CCSER1: variants seen among roughly 807,000 people sequenced by gnomAD.
CCSER1 encodes the protein serine-rich coiled-coil domain-containing protein 1.
Under a neutral mutation model 82.0 loss-of-function variants are expected in CCSER1, and 41 were observed. That is an observed-to-expected ratio of 0.50 (90% confidence interval 0.39 to 0.65). The LOEUF is 0.65. Among genes scored for constraint, CCSER1 ranks in the 30% least tolerant of loss-of-function variants. The probability of loss-of-function intolerance (pLI) is 0.00; values close to 1 mark genes in which losing one functional copy is unlikely to be tolerated. For missense variants in CCSER1, 1,119 were observed against 1,064.2 expected (o/e 1.05, Z -0.72); for synonymous variants, 414 against 383.9 (o/e 1.08, Z -0.92).
chr4:91,356,928 T>C (rs1748875017), intron 10 of CCSER1, among the ~76,000 whole-genome samples: 1 of 152,168 alleles, frequency 6.6e-6, no homozygotes, highest in Non-Finnish European at 1.5e-5. Context: ...CCACGCCTGG[T>C]CGACTGAAGG....
chr4:90,483,359 T>G (rs1469637200), intron 5 of CCSER1, among the ~76,000 whole-genome samples: 1 of 152,212 alleles, frequency 6.6e-6, no homozygotes, highest in East Asian at 1.9e-4. Flanking sequence ...ATTGGAGCAT[T>G]TAGTCCACAT....
At chr4:90,605,155 G>A (rs1784521181) in intron 5 of CCSER1, among the ~76,000 whole-genome samples, 1 of 152,140 alleles carries the variant, frequency 6.6e-6, no homozygotes, top group African/African-American at 2.4e-5. Flanking sequence ...GAACCCCCCA[G>A]AAGGAAGAAA....
chr4:90,813,104 C>T (rs997541739), intron 7 of CCSER1, among the ~76,000 whole-genome samples: 2 of 152,188 alleles, frequency 1.3e-5, no homozygotes, highest in African/African-American at 4.8e-5. Flanking sequence ...TCCAAAGTCT[C>T]ATCTGAGACA....
intron 5 of CCSER1, among the ~76,000 whole-genome samples, chr4:90,569,398 C>T (rs560757499): frequency 6.6e-6 from 1 of 152,200 alleles, no homozygotes; most frequent in South Asian, 2.1e-4. Context: ...ATCAAAAACA[C>T]TAGAAATTGA....
intron 9 of CCSER1, among the ~76,000 whole-genome samples, chr4:91,073,478 A>G (rs1356047010): frequency 6.6e-6 from 1 of 152,162 alleles, no homozygotes; most frequent in Admixed American, 6.6e-5. Flanking sequence ...CAATTCTGTA[A>G]ACCTATGACA....
chr4:90,354,360 T>A (rs770130905), intron 3 of CCSER1, among the ~76,000 whole-genome samples: 2 of 152,304 alleles, frequency 1.3e-5, no homozygotes, highest in Middle Eastern at 3.4e-3. Context: ...ATATTTGGCA[T>A]TATGTATATA....
chr4:90,271,235 A>T (rs1303506826), intron 1 of CCSER1, among the ~76,000 whole-genome samples: 2 of 152,164 alleles, frequency 1.3e-5, no homozygotes, highest in Non-Finnish European at 2.9e-5. Context: ...CTGACTTCAA[A>T]TTATTATACA....
intron 10 of CCSER1, among the ~76,000 whole-genome samples, chr4:91,246,072 G>A (rs1739751018): frequency 6.6e-6 from 1 of 152,300 alleles, no homozygotes; most frequent in South Asian, 2.1e-4. Flanking sequence ...ACATAGAAAA[G>A]CACTGGACCA....
intron 10 of CCSER1, among the ~76,000 whole-genome samples, chr4:91,254,338 T>A (rs1189276450): frequency 6.6e-6 from 1 of 152,200 alleles, no homozygotes; most frequent in Non-Finnish European, 1.5e-5. Flanking sequence ...CAAATTTTGG[T>A]GTATATATGT....
rs1748099052 is a variant in CCSER1 at position 90,749,155 on chromosome 4, GT to G, written c.2010+25169del. ...GGTAATGCCTAGGTTTTCTTCTAGGGTTTTTATGGTTTTAGGTCTAACGTTT... is the reference window on the plus strand; with the variant it reads ...GGTAATGCCTAGGTTTTCTTCTAGGGTTTTATGGTTTTAGGTCTAACGTTT... On this transcript the variant is annotated intron_variant, in intron 7 of 10. Coordinates refer to ENST00000509176, the MANE Select transcript of CCSER1 (RefSeq NM_001145065.2). 5.3e-5 allele frequency among the ~76,000 whole-genome samples: 8 copies of G among 151,124 alleles called. No homozygotes were observed. The South Asian group carries it at 1.7e-3, about 32-fold the overall frequency.
At chr4:90,860,274 AG>A in intron 8 of CCSER1, among the ~76,000 whole-genome samples, 1 of 151,670 alleles carries the variant, frequency 6.6e-6, no homozygotes, top group Non-Finnish European at 1.5e-5. Flanking sequence ...ATTATTCATT[AG>A]GAAAATGCAA....
chr4:90,805,004 C>G (rs1301399249), intron 7 of CCSER1, among the ~76,000 whole-genome samples: 1 of 152,038 alleles, frequency 6.6e-6, no homozygotes, highest in Non-Finnish European at 1.5e-5. Context: ...AATTAAATCA[C>G]AAAATATTTA....
chr4:90,509,397 A>G (rs1771164754), intron 5 of CCSER1, among the ~76,000 whole-genome samples: 1 of 152,138 alleles, frequency 6.6e-6, no homozygotes, highest in African/African-American at 2.4e-5. Context: ...TCCATATCCT[A>G]TAAAAGAACT....
intron 3 of CCSER1, among the ~76,000 whole-genome samples, chr4:90,377,729 G>A (rs1748580523): frequency 6.6e-6 from 1 of 152,018 alleles, no homozygotes; most frequent in Non-Finnish European, 1.5e-5. Context: ...GAAACCCCAT[G>A]TAACTCAATG....
At chr4:91,309,602 A>G (rs2149251063) in intron 10 of CCSER1, among the ~76,000 whole-genome samples, 1 of 150,856 alleles carries the variant, frequency 6.6e-6, no homozygotes, top group South Asian at 2.1e-4. Context: ...TGCTTAAGAC[A>G]GTGTTACATG....
At chr4:90,671,882 AAAC>A (rs1732865689) in intron 6 of CCSER1, among the ~76,000 whole-genome samples, 1 of 152,178 alleles carries the variant, frequency 6.6e-6, no homozygotes, top group Middle Eastern at 3.4e-3. Context: ...GAAGACATAA[AAAC>A]AACATTAATC....
chr4:90,506,624 G>C (rs145146797), intron 5 of CCSER1, among the ~76,000 whole-genome samples: 102 of 152,146 alleles, frequency 6.7e-4, no homozygotes, highest in African/African-American at 2.3e-3. Flanking sequence ...AATTAGCCAG[G>C]CATGGTAGTG....
intron 9 of CCSER1, among the ~76,000 whole-genome samples, chr4:90,928,864 T>C (rs1224781773): frequency 1.3e-5 from 2 of 152,118 alleles, no homozygotes; most frequent in East Asian, 3.9e-4. Flanking sequence ...AAAAATTATA[T>C]TCTAGATTAT....
chr4:91,283,187 GCT>G (rs1354573306), intron 10 of CCSER1, among the ~76,000 whole-genome samples: 5 of 152,054 alleles, frequency 3.3e-5, no homozygotes, highest in African/African-American at 1.2e-4. Context: ...TGTTTGTACA[GCT>G]CTCTTTTAAC....
Sources: gnomAD v4.1 joint callset for allele counts (sites outside exome capture counted in the v4.1 genomes callset) on GRCh38, gnomAD v4.1.1 for gene constraint, MANE v1.5 for transcripts, NCBI Gene and HGNC (gene_info 2026-07-23, HGNC 2026-07-21) for gene names.